Variants in MAP3K5 observed in about 807,000 individuals in gnomAD.
The protein encoded by MAP3K5 is ASK-1.
A neutral mutation model predicts 158.7 loss-of-function variants in MAP3K5; 56 were observed. The ratio of observed to expected loss-of-function variants is 0.35; its 90% confidence interval spans 0.28 to 0.44. The LOEUF (loss-of-function observed/expected upper bound fraction) is 0.44. MAP3K5 is among the 20% of genes least tolerant of loss of function. The pLI is 1.00. For synonymous variants in MAP3K5, 579 were observed against 601.7 expected (o/e 0.96, Z 0.55); for missense variants, 1,294 against 1,674.8 (o/e 0.77, Z 3.97).
At position 136,642,456 on chromosome 6, in the gene MAP3K5, T is replaced by C. The variant is rs1043549628; in HGVS notation, c.1838+64A>G. 4 of 1,092,494 alleles carry C rather than the reference T, an allele frequency of 3.7e-6. No homozygotes were observed. In the African/African-American group the frequency reaches 4.7e-5, roughly 13 times the overall value. The allele number at this position is 1,092,494 out of a possible 1,614,324, so 67.7% of individuals were successfully genotyped here. Reference sequence around the variant, plus strand: ...TTTAAAATCATGATTAGAAGTTCTATCCAGCCCATGAATAGTGGAGAAAAA... The same window carrying C: ...TTTAAAATCATGATTAGAAGTTCTACCCAGCCCATGAATAGTGGAGAAAAA... On this transcript the variant is annotated intron_variant, in intron 12 of 29. Transcript: ENST00000359015.
chr6:136,697,111 C>T (rs886606751), intron 5 of MAP3K5, 108 bp downstream of exon 5: 17 of 788,464 alleles, frequency 2.2e-5, no homozygotes, highest in East Asian at 2.8e-5. Flanking sequence ...TAAAAAATTA[C>T]GTGTAGTAAC....
At chr6:136,765,228 C>T (rs988709813) in intron 1 of MAP3K5, among the ~76,000 whole-genome samples, 4 of 152,172 alleles carry the variant, frequency 2.6e-5, no homozygotes, top group African/African-American at 4.8e-5. Context: ...ACCTGCCAAG[C>T]GCTGTGCATA....
chr6:136,629,884 T>C (rs1426469948), intron 14 of MAP3K5, among the ~76,000 whole-genome samples: 1 of 152,088 alleles, frequency 6.6e-6, no homozygotes, highest in East Asian at 1.9e-4. Flanking sequence ...CCCGAGTAGC[T>C]GGGATTACAG....
At chr6:136,720,015 T>C (rs1366097626) in intron 2 of MAP3K5, among the ~76,000 whole-genome samples, 1 of 152,140 alleles carries the variant, frequency 6.6e-6, no homozygotes, top group East Asian at 1.9e-4. Flanking sequence ...AATCATACCC[T>C]AGTGAAAGAG....
At chr6:136,610,556 G>C (rs1245750328) in intron 18 of MAP3K5, among the ~76,000 whole-genome samples, 1 of 146,490 alleles carries the variant, frequency 6.8e-6, no homozygotes, top group African/African-American at 2.5e-5. Context: ...ATTAGGGTAT[G>C]AGTAAGCATC....
chr6:136,751,159 T>C lies in MAP3K5; in HGVS notation c.449-30570A>G, dbSNP rs183307342. 1.7e-3 allele frequency among the ~76,000 whole-genome samples: 252 copies of C among 152,050 alleles called. 2 individuals carry two copies. The highest frequency in any genetic ancestry group is 0.013 in the Admixed American group (195 of 15,270). On this transcript the variant is annotated intron_variant, in intron 1 of 29. Coordinates refer to ENST00000359015, the MANE Select transcript of MAP3K5 (RefSeq NM_005923.4). ...CTGTGGGCTCTGGCTGCTTTTTTTT[T>C]TTTTGGCTTATGATTTTACCACCTT...
chr6:136,595,813 T>A (rs1775602199), intron 21 of MAP3K5, among the ~76,000 whole-genome samples: 2 of 151,966 alleles, frequency 1.3e-5, no homozygotes, highest in South Asian at 2.1e-4. Flanking sequence ...TGTTGGGAGT[T>A]CAAGACACCA....
rs529132785 is a variant in MAP3K5 at position 136,641,722 on chromosome 6, C to T, written c.1838+798G>A. The stretch of plus-strand genomic sequence containing the variant: ...TAGTGACAGGGGCCGGGCGGAGTGG[C>T]TCACACCTGTAATCCCAGCATTTTG... On this transcript the variant is annotated intron_variant, in intron 12 of 29. Coordinates refer to ENST00000359015, the MANE Select transcript of MAP3K5 (RefSeq NM_005923.4). Among the ~76,000 whole-genome samples, 5 of 151,328 alleles carry T rather than the reference C, an allele frequency of 3.3e-5. No individual in the cohort carries two copies. The South Asian group carries it at 1.0e-3, about 31-fold the overall frequency.
At chr6:136,685,892 T>C (rs1194143041) in intron 7 of MAP3K5, among the ~76,000 whole-genome samples, 1 of 152,190 alleles carries the variant, frequency 6.6e-6, no homozygotes, top group Non-Finnish European at 1.5e-5. Flanking sequence ...CCCTCCTCCC[T>C]GTGAGCACCT....
At position 136,567,691 on chromosome 6, in the gene MAP3K5, G is replaced by C. The variant is rs1774180518; in HGVS notation, c.3701C>G (p.Ser1234Cys). The change falls in exon 26 of 30, where the codon TCC becomes TGC. Residue 1234 changes from serine to cysteine, a missense_variant. By Grantham distance (112) the Ser-to-Cys change is moderately radical. Coordinates refer to ENST00000359015, the MANE Select transcript of MAP3K5 (RefSeq NM_005923.4). The stretch of plus-strand genomic sequence containing the variant: ...ATTCAGTGACCGGTGAGCACTCTGG[G>C]AATCATGAGACACAGTAGAACTGAG... Reference protein sequence around the residue: ...STLSSTVSHDSQSAHRSLNVQ... With the variant: ...STLSSTVSHDCQSAHRSLNVQ... 6.2e-7 allele frequency: 1 copy of C among 1,614,012 alleles called. No individual in the cohort carries two copies. Among genetic ancestry groups the C allele is most frequent in the African/African-American group, 1.3e-5 (1 of 74,928 alleles).
At chr6:136,676,181 A>AC (rs2114564739) in intron 7 of MAP3K5, among the ~76,000 whole-genome samples, 1 of 152,350 alleles carries the variant, frequency 6.6e-6, no homozygotes, top group African/African-American at 2.4e-5. Context: ...AGCCTTGCTG[A>AC]CCAATGAATC....
intron 1 of MAP3K5, among the ~76,000 whole-genome samples, chr6:136,749,558 C>T (rs577756987): frequency 8.5e-5 from 13 of 152,080 alleles, no homozygotes; most frequent in Admixed American, 7.2e-4. Flanking sequence ...TCATCAGCAC[C>T]TAGGGAATGC....
Position 136,694,191 on chromosome 6 carries a change from A to T in MAP3K5, c.1202T>A (p.Phe401Tyr), listed in dbSNP as rs1239329356. The T allele has an allele frequency of 6.2e-7, 1 of 1,613,856 alleles. No homozygotes were observed. Residue 401 changes from phenylalanine (F) to tyrosine (Y), a missense_variant, in exon 7 of 30, where the codon TTT becomes TAT. Phe to Tyr is a conservative substitution (Grantham distance 22, BLOSUM62 3). This residue lies in a region of MAP3K5 where 690 missense variants were observed against 870.5 expected (regional missense o/e 0.79). Coordinates refer to ENST00000359015, the MANE Select transcript of MAP3K5 (RefSeq NM_005923.4). ...CLVGRIYKDM[F>Y]LDSNFTDTES... ...AGTGTCCGTGAAATTAGAGTCCAAA[A>T]ACATATCTTTGTAGATTCGACCAAC...
chr6:136,715,282 T>G (rs1408431933), intron 2 of MAP3K5, among the ~76,000 whole-genome samples: 5 of 152,212 alleles, frequency 3.3e-5, no homozygotes, highest in Non-Finnish European at 7.3e-5. Flanking sequence ...TATTTTGGGA[T>G]TCCAGTGTCC....
Position 136,653,224 on chromosome 6 carries a change from A to G in MAP3K5, c.1681-2133T>C, listed in dbSNP as rs115578412. On this transcript the variant is annotated intron_variant, in intron 10 of 29. Transcript: ENST00000359015. ...GAAATATACCAAGAGGAGAGGTAAG[A>G]AAAAAGAATAAATTGAAGTGATAAA... 4.8e-3 allele frequency among the ~76,000 whole-genome samples: 735 copies of G among 152,316 alleles called. 3 individuals carry two copies. The highest frequency in any genetic ancestry group is 0.016 in the African/African-American group (683 of 41,568).
At chr6:136,694,338 T>C in intron 6 of MAP3K5, 28 bp from the exon 7 acceptor site, 1 of 1,576,544 alleles carries the variant, frequency 6.3e-7, no homozygotes, top group Non-Finnish European at 8.6e-7. Context: ...GTTGTTTCAA[T>C]ATACATTACA....
chr6:136,714,446 A>G (rs572407409), intron 2 of MAP3K5, among the ~76,000 whole-genome samples: 1 of 152,352 alleles, frequency 6.6e-6, no homozygotes, highest in Non-Finnish European at 1.5e-5. Context: ...GTGCCTGCAG[A>G]TAAAAGATCA....
chr6:136,747,000 C>A (rs1782991211), intron 1 of MAP3K5, among the ~76,000 whole-genome samples: 1 of 152,204 alleles, frequency 6.6e-6, no homozygotes, highest in African/African-American at 2.4e-5. Context: ...TAACTCACTG[C>A]AGCCTCAAAC....
At chr6:136,784,665 T>A (rs1163672356) in intron 1 of MAP3K5, among the ~76,000 whole-genome samples, 1 of 152,134 alleles carries the variant, frequency 6.6e-6, no homozygotes, top group Admixed American at 6.5e-5. Context: ...GCGGTTCCAA[T>A]CAGAGGCTCT....
Sources: allele counts gnomAD v4.1 joint callset (sites outside exome capture counted in the v4.1 genomes callset), GRCh38; gene constraint gnomAD v4.1.1; regional missense constraint gnomAD v4.1.1; transcripts MANE v1.5; gene names NCBI Gene and HGNC (gene_info 2026-07-23, HGNC 2026-07-21).